The following LRMDA variants were observed in gnomAD, a reference collection of about 807,000 sequenced individuals.
The protein encoded by LRMDA is leucine rich melanocyte differentiation associated.
Under a neutral mutation model 29.8 loss-of-function variants are expected in LRMDA, and 18 were observed. That is an observed-to-expected ratio of 0.60 (90% CI 0.42 to 0.90). The LOEUF is 0.90. Ranked by LOEUF, LRMDA falls within the 40% of genes least tolerant of loss-of-function variation. The pLI, the probability that LRMDA is intolerant of heterozygous loss-of-function variation, is 0.00. For synonymous variants in LRMDA, 125 were observed against 109.4 expected, an observed-to-expected ratio of 1.14 and a Z score of -0.89; for missense variants, 273 against 273.9, an observed-to-expected ratio of 1.00 and a Z score of 0.02.
intron 2 of LRMDA, among the ~76,000 whole-genome samples, chr10:75,931,691 T>G (rs923315132): frequency 1.3e-5 from 2 of 152,204 alleles, no homozygotes; most frequent in Non-Finnish European, 2.9e-5. Context: ...AGTGAGACTC[T>G]TTAGCAGAGA....
intron 6 of LRMDA, among the ~76,000 whole-genome samples, chr10:76,538,544 GTA>G (rs200606317): frequency 6.4e-5 from 9 of 139,950 alleles, no homozygotes; most frequent in African/African-American, 2.3e-4. Flanking sequence ...TTATATATAT[GTA>G]TATATATATA....
At chr10:75,823,685 AGTGTGT>A (rs141426887) in intron 2 of LRMDA, among the ~76,000 whole-genome samples, 8,133 of 144,074 alleles carry the variant, frequency 0.056, 268 homozygotes, top group Non-Finnish European at 0.057. Context: ...ATTAAAATGT[AGTGTGT>A]GTGTGTGTGT....
chr10:76,545,318 T>C (rs1161267803), intron 6 of LRMDA, among the ~76,000 whole-genome samples: 1 of 151,952 alleles, frequency 6.6e-6, no homozygotes, highest in South Asian at 2.1e-4. Context: ...ATGTAAGCTC[T>C]CTAATAGGAA....
At chr10:75,861,644 A>C (rs1420878328) in intron 2 of LRMDA, among the ~76,000 whole-genome samples, 3 of 152,256 alleles carry the variant, frequency 2.0e-5, no homozygotes, top group African/African-American at 7.2e-5. Flanking sequence ...ACAAGAAAAA[A>C]AAAGATAGTT....
At chr10:75,724,414 A>G (rs1046634150) in intron 2 of LRMDA, among the ~76,000 whole-genome samples, 4 of 152,368 alleles carry the variant, frequency 2.6e-5, no homozygotes, top group South Asian at 2.1e-4. Context: ...TTACAACATA[A>G]TAAATATCTA....
intron 6 of LRMDA, among the ~76,000 whole-genome samples, chr10:76,353,330 TTGTGTG>T (rs3998122): frequency 2.1e-5 from 3 of 146,186 alleles, no homozygotes; most frequent in Non-Finnish European, 4.5e-5. Flanking sequence ...AGCTGTGGAG[TTGTGTG>T]TGTGTGTGTG....
intron 2 of LRMDA, among the ~76,000 whole-genome samples, chr10:76,012,121 C>G (rs1847793178): frequency 6.6e-6 from 1 of 152,180 alleles, no homozygotes; most frequent in South Asian, 2.1e-4. Context: ...TTGCCCAAAG[C>G]TGGTTCCTGG....
intron 2 of LRMDA, among the ~76,000 whole-genome samples, chr10:75,627,287 G>C (rs987814781): frequency 1.1e-4 from 16 of 152,170 alleles, no homozygotes; most frequent in African/African-American, 3.6e-4. Flanking sequence ...GTGAGCCAAG[G>C]GTTGAATTTC....
At chr10:75,596,835 A>T (rs1286332779) in intron 2 of LRMDA, among the ~76,000 whole-genome samples, 2 of 152,250 alleles carry the variant, frequency 1.3e-5, no homozygotes, top group Non-Finnish European at 2.9e-5. Context: ...TTACATGAGC[A>T]AATGTGATAC....
At chr10:76,326,116 T>A (rs965405858) in intron 6 of LRMDA, among the ~76,000 whole-genome samples, 3 of 152,206 alleles carry the variant, frequency 2.0e-5, no homozygotes, top group Non-Finnish European at 2.9e-5. Flanking sequence ...GCTGACTTGG[T>A]TGTTGATAAA....
chr10:76,126,671 T>C (rs1365577505), intron 5 of LRMDA, among the ~76,000 whole-genome samples: 1 of 152,180 alleles, frequency 6.6e-6, no homozygotes, highest in Non-Finnish European at 1.5e-5. Flanking sequence ...TTGTTCTTTT[T>C]GTTGCTCCAT....
At chr10:76,111,703 GATAA>G (rs1247877807) in intron 5 of LRMDA, among the ~76,000 whole-genome samples, 1 of 152,124 alleles carries the variant, frequency 6.6e-6, no homozygotes, top group African/African-American at 2.4e-5. Flanking sequence ...GTATACAAAG[GATAA>G]ATGTTATTTA....
intron 5 of LRMDA, among the ~76,000 whole-genome samples, chr10:76,122,579 T>C (rs1849808851): frequency 6.6e-6 from 1 of 152,158 alleles, no homozygotes; most frequent in South Asian, 2.1e-4. Flanking sequence ...ATGCTTAGAA[T>C]AAACCTGCAT....
intron 2 of LRMDA, among the ~76,000 whole-genome samples, chr10:76,001,929 G>A (rs2132469755): frequency 6.6e-6 from 1 of 152,166 alleles, no homozygotes; most frequent in Non-Finnish European, 1.5e-5. Flanking sequence ...ACTGGCCTGA[G>A]TGTCATGGAA....
chr10:76,512,857 T>C (rs1843022504), intron 6 of LRMDA, among the ~76,000 whole-genome samples: 1 of 152,192 alleles, frequency 6.6e-6, no homozygotes, highest in Non-Finnish European at 1.5e-5. Context: ...AGGTTCGTGG[T>C]ATTCCATTTT....
chr10:75,870,856 TCC>T (rs1845097005), intron 2 of LRMDA, among the ~76,000 whole-genome samples: 1 of 152,200 alleles, frequency 6.6e-6, no homozygotes. Context: ...CCCAGCTCTG[TCC>T]CACTTTCCGG....
chr10:75,792,811 G>A (rs550921534), intron 2 of LRMDA, among the ~76,000 whole-genome samples: 1 of 152,288 alleles, frequency 6.6e-6, no homozygotes, highest in African/African-American at 2.4e-5. Context: ...GTTGTTATGA[G>A]GACTAAATGA....
chr10:75,948,023 G>A (rs1846506770), intron 2 of LRMDA, among the ~76,000 whole-genome samples: 2 of 152,184 alleles, frequency 1.3e-5, no homozygotes, highest in Admixed American at 1.3e-4. Context: ...GGCCTTGAAT[G>A]AAATAAATTG....
chr10:75,746,683 T>C (rs1842894733), intron 2 of LRMDA, among the ~76,000 whole-genome samples: 2 of 152,186 alleles, frequency 1.3e-5, no homozygotes, highest in African/African-American at 2.4e-5. Flanking sequence ...CAAATACTTA[T>C]CTGTGCAGAT....
Sources: allele counts gnomAD v4.1 joint callset (sites outside exome capture counted in the v4.1 genomes callset), GRCh38; gene constraint gnomAD v4.1.1; transcripts MANE v1.5; gene names NCBI Gene and HGNC (gene_info 2026-07-23, HGNC 2026-07-21).